Variants in CACTIN observed in about 807,000 individuals in gnomAD.
The protein encoded by CACTIN is cactin, spliceosome C complex subunit.
In CACTIN, 20 loss-of-function variants were observed where a neutral mutation model predicts 84.9. The observed-to-expected ratio is 0.24, with a 90% CI of 0.17 to 0.34. The LOEUF (loss-of-function observed/expected upper bound fraction) is 0.34, where lower values mean the gene tolerates loss of function less well. Among genes scored for constraint, CACTIN ranks in the 10% least tolerant of loss-of-function variants. The pLI, the probability that CACTIN is intolerant of heterozygous loss-of-function variation, is 1.00. For missense variants in CACTIN, 897 were observed against 1,117.2 expected (o/e 0.80, Z 2.81); for synonymous variants, 549 against 467.9 (o/e 1.17, Z -2.24).
rs1274077416 is a variant in CACTIN, at chr19:3,613,250, C to T, written c.1594G>A (p.Glu532Lys). ...ACCGCCTCGCCCTCGCCCTCGCCCT[C>T]ACCGTCCCCGTCGCCGTCGCCCTCT... ...PTEGDGDGDG[E>K]GEGEGEAVLM... is the part of the protein sequence containing the mutation. The change falls in exon 9 of 10, where the codon GAG (glutamate) becomes AAG (lysine). Residue 532 changes from glutamate to lysine, a missense_variant. Physicochemically the swap from Glu to Lys is moderately conservative, Grantham distance 56. Coordinates refer to ENST00000429344, the MANE Select transcript of CACTIN (RefSeq NM_001080543.2). 2 of 1,610,224 alleles carry T rather than the reference C, an allele frequency of 1.2e-6. No individual in the cohort carries two copies. The highest frequency in any genetic ancestry group is 1.7e-6 in the Non-Finnish European group (2 of 1,179,022).
Position 3,610,910 on chromosome 19 carries a change from C to T in CACTIN, c.*1013G>A, listed in dbSNP as rs1388742432. On this transcript the variant is annotated 3_prime_UTR_variant, in exon 10 of 10. Transcript: ENST00000429344. Reference sequence around the variant, plus strand: ...TTCCCGTCGGATGCTGAAGAACAAGCCTGCCGGCTGGGCCACTCCGACCTG... The same window carrying T: ...TTCCCGTCGGATGCTGAAGAACAAGTCTGCCGGCTGGGCCACTCCGACCTG... The T allele has an allele frequency of 2.2e-6, 1 of 456,650 alleles. No homozygotes were observed. The highest frequency in any genetic ancestry group is 4.4e-6 in the Non-Finnish European group (1 of 227,006). The allele number at this position is 456,650 out of a possible 1,614,324, so 28.3% of individuals were successfully genotyped here. A position where few individuals can be genotyped will look rare whatever the true frequency, so the allele number is the denominator to read the frequency against.
At chr19:3,622,770 C>T (rs947026424) in intron 2 of CACTIN, among the ~76,000 whole-genome samples, 3 of 152,226 alleles carry the variant, frequency 2.0e-5, no homozygotes, top group Non-Finnish European at 4.4e-5. Flanking sequence ...GGCTAAATGG[C>T]AGGCGCAGAA....
chr19:3,621,748 G>A (rs1044694658), intron 2 of CACTIN, among the ~76,000 whole-genome samples: 1 of 152,224 alleles, frequency 6.6e-6, no homozygotes, highest in Admixed American at 6.5e-5. Context: ...GGCCAGGAAG[G>A]GGTCTCTCAA....
chr19:3,612,648 C>A (rs995076086), intron 9 of CACTIN: 1 of 721,950 alleles, frequency 1.4e-6, no homozygotes, highest in Admixed American at 2.1e-5. Context: ...GGGGACCAAG[C>A]GCAGCGCGCT....
chr19:3,614,610 G>T (rs567144457), intron 6 of CACTIN, 21 bp from the exon 7 acceptor site: 3 of 1,573,516 alleles, frequency 1.9e-6, no homozygotes, highest in Non-Finnish European at 2.6e-6. Flanking sequence ...GTGGGGGCAT[G>T]GGGGGGCGGT....
chr19:3,625,762 G>A (rs1326659192), intron 1 of CACTIN, among the ~76,000 whole-genome samples: 2 of 152,226 alleles, frequency 1.3e-5, no homozygotes, highest in African/African-American at 4.8e-5. Context: ...CAACCGATGA[G>A]TGAACTTGGC....
At chr19:3,618,636 G>GGGACGCTGGGTCT (rs1422666356) in intron 6 of CACTIN, among the ~76,000 whole-genome samples, 1 of 152,228 alleles carries the variant, frequency 6.6e-6, no homozygotes, top group Non-Finnish European at 1.5e-5. Flanking sequence ...CAGCGTTAAC[G>GGGACGCTGGGTCT]GGACGCTGGG....
At chr19:3,613,632 C>T (rs1260485234) in intron 7 of CACTIN, 46 bp from the exon 8 acceptor site, 4 of 1,560,808 alleles carry the variant, frequency 2.6e-6, no homozygotes, top group African/African-American at 1.4e-5. Context: ...GAAGGGGCTC[C>T]GCGCCCCACC....
rs757546325 is a variant in CACTIN, at chr19:3,623,988, T to A, written c.342A>T (p.Ser114=). ...GCCCTGGAGACGCGGAGCTGGATGC[T>A]GAGGAGCTAGGAGACCACGAGCGTG... ...RRARSWSPSS[S]ASSSASPGRS... is the part of the protein sequence containing the mutation. The change falls in exon 2 of 10, where the codon TCA becomes TCT. Residue 114 remains serine (S), a synonymous_variant. Transcript: ENST00000429344. The A allele has an allele frequency of 2.5e-6, 4 of 1,605,102 alleles. No homozygotes were observed. The highest frequency in any genetic ancestry group is 1.7e-6 in the Non-Finnish European group (2 of 1,179,072).
Position 3,613,152 on chromosome 19 carries a change from G to A in CACTIN, c.1692C>T (p.Leu564=), listed in dbSNP as rs754598264. Residue 564 remains leucine (L), a synonymous_variant, in exon 9 of 10, where the codon CTC becomes CTT. Transcript: ENST00000429344. ...CGTCCAGTGGCAGCTCGTGCGCCGTGAGCAGCCGCGGGCTGTACCTGCCGG... is the reference window on the plus strand; with the variant it reads ...CGTCCAGTGGCAGCTCGTGCGCCGTAAGCAGCCGCGGGCTGTACCTGCCGG... ...YDAGRYSPRL[L]TAHELPLDAH... 35 of 1,609,462 alleles carry A rather than the reference G, an allele frequency of 2.2e-5. No individual in the cohort carries two copies. Among genetic ancestry groups the A allele is most frequent in the Middle Eastern group, 1.6e-4 (1 of 6,074 alleles).
chr19:3,625,827 C>T (rs561922865), intron 1 of CACTIN, among the ~76,000 whole-genome samples: 1 of 152,366 alleles, frequency 6.6e-6, no homozygotes, highest in African/African-American at 2.4e-5. Context: ...TGAGCCAGCA[C>T]TGGGGCCCCG....
At chr19:3,612,497 G>T in intron 9 of CACTIN, 84 bp from the exon 10 acceptor site, 1 of 1,462,712 alleles carries the variant, frequency 6.8e-7, no homozygotes, top group Non-Finnish European at 9.0e-7. Context: ...AGGGGCGGCC[G>T]CTGGTGCCTC....
chr19:3,620,772 C>G lies in CACTIN; in HGVS notation c.673G>C (p.Glu225Gln), dbSNP rs1333589582. The G allele has an allele frequency of 6.2e-7, 1 of 1,613,438 alleles. No homozygotes were observed. The highest frequency in any genetic ancestry group is 1.3e-5 in the African/African-American group (1 of 74,920). The change falls in exon 3 of 10, where the codon GAG (glutamate) becomes CAG (glutamine). Residue 225 changes from glutamate to glutamine, a missense_variant. Physicochemically the swap from Glu to Gln is conservative, Grantham distance 29. Around this residue, in one of 8 missense-constraint regions of CACTIN, gnomAD observed 304 missense variants for 444.3 expected, o/e 0.68. Coordinates refer to ENST00000429344, the MANE Select transcript of CACTIN (RefSeq NM_001080543.2). ...TTCCGCTCCTTCAGCTCCTTCTCCT[C>G]CAGGTGGCTGATCCCCTTCTTCTCC... ...ALEKKGISHL[E>Q]EKELKERNKR...
Position 3,618,993 on chromosome 19 carries a change from G to A in CACTIN, c.1048-4C>T, listed in dbSNP as rs1230539749. 6.4e-7 allele frequency: 1 copy of A among 1,551,000 alleles called. No individual in the cohort carries two copies. Among genetic ancestry groups the A allele is most frequent in the African/African-American group, 1.4e-5 (1 of 73,190 alleles). ...CCTGCTCCAGCTCCATGTAGACCTG[G>A]GGGCAGGGGGCAGGGGTCAGGACAC... On this transcript the variant is annotated splice_region_variant and splice_polypyrimidine_tract_variant and intron_variant, in intron 5 of 9. Coordinates refer to ENST00000429344, the MANE Select transcript of CACTIN (RefSeq NM_001080543.2).
At chr19:3,620,631 A>G in intron 3 of CACTIN, 76 bp downstream of exon 3, 1 of 1,214,854 alleles carries the variant, frequency 8.2e-7, no homozygotes, top group Non-Finnish European at 1.1e-6. Context: ...TAAGCCCCTC[A>G]AGTCCTGCCA....
At chr19:3,621,153 G>A (rs1458602831) in intron 2 of CACTIN, 7 of 407,208 alleles carry the variant, frequency 1.7e-5, no homozygotes, top group South Asian at 1.3e-4. Flanking sequence ...CTGCTGACTC[G>A]CTTTACCCGG....
chr19:3,613,131 C>A lies in CACTIN; in HGVS notation c.1713G>T (p.Leu571=). The A allele has an allele frequency of 6.2e-7, 1 of 1,607,060 alleles. No individual in the cohort carries two copies. The highest frequency in any genetic ancestry group is 1.3e-5 in the African/African-American group (1 of 75,006). ...CATCCGGTTCCAGCACGTGCGCGTC[C>A]AGTGGCAGCTCGTGCGCCGTGAGCA... The part of the protein sequence containing the change: ...PRLLTAHELP[L]DAHVLEPDED... Residue 571 remains leucine (L), a synonymous_variant, in exon 9 of 10, where the codon CTG becomes CTT. Transcript: ENST00000429344.
At chr19:3,620,357 C>A (rs2033197749) in intron 3 of CACTIN, 85 bp from the exon 4 acceptor site, 1 of 1,413,268 alleles carries the variant, frequency 7.1e-7, no homozygotes, top group Non-Finnish European at 9.7e-7. Context: ...GGGGGCCCAG[C>A]CTTCACCCAG....
chr19:3,625,729 AAAC>A (rs2033319645), intron 1 of CACTIN, among the ~76,000 whole-genome samples: 1 of 152,202 alleles, frequency 6.6e-6, no homozygotes. Flanking sequence ...TCCGTCTCAA[AAAC>A]AAACAAACAA....
Sources: gnomAD v4.1 joint callset for allele counts (sites outside exome capture counted in the v4.1 genomes callset) on GRCh38, gnomAD v4.1.1 for gene constraint, gnomAD v4.1.1 regional missense constraint, MANE v1.5 for transcripts, NCBI Gene and HGNC (gene_info 2026-07-23, HGNC 2026-07-21) for gene names.